The following SNX29 variants were observed in gnomAD, a reference collection of about 807,000 sequenced individuals.
The protein encoded by SNX29 is sorting nexin-29.
In SNX29, 78 loss-of-function variants were observed where a neutral mutation model predicts 102.1. The observed-to-expected ratio is 0.76, with a 90% confidence interval of 0.64 to 0.92. The LOEUF is 0.92. Ranked by LOEUF, SNX29 falls within the 40% of genes least tolerant of loss-of-function variation. The pLI is 0.00. For synonymous variants in SNX29, 580 were observed against 414.5 expected (o/e 1.40, Z -4.85); for missense variants, 1,280 against 1,061.7 (o/e 1.21, Z -2.86).
chr16:12,013,526 T>A lies in SNX29; in HGVS notation c.122+10483T>A, dbSNP rs1344987318. Among the ~76,000 whole-genome samples, 254 of 114,402 alleles carry A rather than the reference T, an allele frequency of 2.2e-3. 16 individuals are homozygous for A. The highest frequency in any genetic ancestry group is 3.1e-3 in the South Asian group (10 of 3,236). 75.1% of individuals were successfully genotyped at this position (114,402 alleles called of 152,430 possible). A position where few individuals can be genotyped will look rare whatever the true frequency, so the allele number is the denominator to read the frequency against. On this transcript the variant is annotated intron_variant, in intron 3 of 20. Coordinates refer to ENST00000566228, the MANE Select transcript of SNX29 (RefSeq NM_032167.5). ...ATATATATATATATATATATATATA[T>A]ATATATATATATATATCGAGAGAGG...
At chr16:12,114,542 T>C (rs542498042) in intron 11 of SNX29, among the ~76,000 whole-genome samples, 8 of 152,130 alleles carry the variant, frequency 5.3e-5, no homozygotes, top group Non-Finnish European at 1.0e-4. Flanking sequence ...ATGGCCCGTG[T>C]TTCAGTCCCG....
intron 20 of SNX29, among the ~76,000 whole-genome samples, chr16:12,557,115 C>G (rs1046276078): frequency 1.3e-5 from 2 of 151,568 alleles, no homozygotes; most frequent in African/African-American, 2.4e-5. Flanking sequence ...TCCGAAAGTG[C>G]TGAGATTAGA....
chr16:12,504,182 A>G (rs1029830314), intron 19 of SNX29, among the ~76,000 whole-genome samples: 8 of 152,174 alleles, frequency 5.3e-5, no homozygotes, highest in Non-Finnish European at 1.2e-4. Context: ...GTGGCTTCTT[A>G]GCATAATATT....
In SNX29 at chr16:12,261,926, C is replaced by T. The variant is rs1354091277; in HGVS notation, c.1679-16007C>T. 1.5e-5 allele frequency among the ~76,000 whole-genome samples: 2 copies of T among 131,558 alleles called. 1 individual carries two copies. Among genetic ancestry groups the T allele is most frequent in the African/African-American group, 5.9e-5 (2 of 33,730 alleles). 86.3% of individuals were successfully genotyped at this position (131,558 alleles called of 152,430 possible). ...CGTCCCCGGCTGGAGTGAGTGGTTCCTGAGCCCAGGTCTGCACGTGTCCCC... is the reference window on the plus strand; with the variant it reads ...CGTCCCCGGCTGGAGTGAGTGGTTCTTGAGCCCAGGTCTGCACGTGTCCCC... On this transcript the variant is annotated intron_variant, in intron 14 of 20. Coordinates refer to ENST00000566228, the MANE Select transcript of SNX29 (RefSeq NM_032167.5).
At chr16:12,052,346 A>C (rs2050343674) in intron 8 of SNX29, 124 bp downstream of exon 8, 1 of 1,102,906 alleles carries the variant, frequency 9.1e-7, no homozygotes, top group Non-Finnish European at 1.3e-6. Flanking sequence ...CCTCCCGAGT[A>C]GCTGGGATTA....
chr16:12,433,132 C>A (rs1170223643), intron 18 of SNX29, among the ~76,000 whole-genome samples: 1 of 152,220 alleles, frequency 6.6e-6, no homozygotes, highest in Non-Finnish European at 1.5e-5. Flanking sequence ...CTTTCAGACC[C>A]TGTGGAGGTC....
rs550358854 is a variant in SNX29 at position 12,153,759 on chromosome 16, T to G, written c.1595+24001T>G. Among the ~76,000 whole-genome samples the G allele has an allele frequency of 4.2e-4, 63 of 151,754 alleles. 1 individual carries two copies. The South Asian group carries it at 0.011, about 26-fold the overall frequency. ...TCCCAAAGTGCTGGGATTATGGGAGTGAACCACTGTGCACAGCCACTCCTC... is the reference window on the plus strand; with the variant it reads ...TCCCAAAGTGCTGGGATTATGGGAGGGAACCACTGTGCACAGCCACTCCTC... On this transcript the variant is annotated intron_variant, in intron 13 of 20. Transcript: ENST00000566228.
At chr16:12,564,800 G>A (rs534796673) in intron 20 of SNX29, among the ~76,000 whole-genome samples, 1 of 151,780 alleles carries the variant, frequency 6.6e-6, no homozygotes, top group East Asian at 1.9e-4. Context: ...AAATGGTGTT[G>A]TCATTCCAGA....
intron 14 of SNX29, among the ~76,000 whole-genome samples, chr16:12,215,650 G>A (rs953604570): frequency 3.2e-4 from 49 of 152,158 alleles, no homozygotes; most frequent in African/African-American, 1.0e-3. Flanking sequence ...CCCTAGTTGG[G>A]TGCACTTAAT....
chr16:12,335,999 G>C (rs539800291), intron 15 of SNX29, among the ~76,000 whole-genome samples: 1 of 152,280 alleles, frequency 6.6e-6, no homozygotes, highest in East Asian at 1.9e-4. Flanking sequence ...AAGACAGTCT[G>C]TCTGGGTCTG....
intron 11 of SNX29, among the ~76,000 whole-genome samples, chr16:12,105,203 TCCTCCCTCCCTCCCTC>T (rs55784743): frequency 1.5e-4 from 21 of 143,218 alleles, no homozygotes; most frequent in South Asian, 7.2e-4. Flanking sequence ...CTTCCTCCCT[TCCTCCCTCCCTCCCTC>T]CCTCCCTCCC....
intron 15 of SNX29, among the ~76,000 whole-genome samples, chr16:12,291,622 G>A (rs1806454514): frequency 6.6e-6 from 1 of 152,210 alleles, no homozygotes; most frequent in Non-Finnish European, 1.5e-5. Context: ...GAAACAGCAA[G>A]AGTCTCTCCA....
chr16:12,472,564 C>A (rs866879151), intron 18 of SNX29, among the ~76,000 whole-genome samples: 186 of 125,064 alleles, frequency 1.5e-3, no homozygotes, highest in Middle Eastern at 4.4e-3. Context: ...AAGAAAAAAA[C>A]AGGGAGGAAA....
At chr16:12,562,329 G>T (rs4780447) in intron 20 of SNX29, among the ~76,000 whole-genome samples, 3 of 152,062 alleles carry the variant, frequency 2.0e-5, no homozygotes, top group African/African-American at 7.2e-5. Context: ...GAACCTGCAG[G>T]GCAGATTCTG....
intron 1 of SNX29, among the ~76,000 whole-genome samples, chr16:11,990,824 C>T (rs536488139): frequency 9.8e-5 from 15 of 152,292 alleles, no homozygotes; most frequent in Middle Eastern, 6.8e-3. Flanking sequence ...CATCTAACCG[C>T]ACGGTGGCTG....
At position 12,201,702 on chromosome 16, in the gene SNX29, A is replaced by G. The variant is rs114768801; in HGVS notation, c.1678+2019A>G. ...AGGCTGTAGATTTGCACGTCTAGATAATGTGACTCTAATGCAGGTGACCTG... is the reference window on the plus strand; with the variant it reads ...AGGCTGTAGATTTGCACGTCTAGATGATGTGACTCTAATGCAGGTGACCTG... On this transcript the variant is annotated intron_variant, in intron 14 of 20. Transcript: ENST00000566228. Among the ~76,000 whole-genome samples the G allele has an allele frequency of 3.0e-3, 462 of 152,306 alleles. 2 individuals are homozygous for G. Among genetic ancestry groups the G allele is most frequent in the African/African-American group, 0.011 (451 of 41,550 alleles).
intron 16 of SNX29, among the ~76,000 whole-genome samples, chr16:12,359,309 A>C (rs1400108167): frequency 6.6e-6 from 1 of 152,210 alleles, no homozygotes; most frequent in Non-Finnish European, 1.5e-5. Flanking sequence ...GCAGAAGGAA[A>C]ATGGTTCATG....
chr16:12,036,786 G>A (rs533061021), intron 4 of SNX29, among the ~76,000 whole-genome samples: 32 of 152,248 alleles, frequency 2.1e-4, no homozygotes, highest in African/African-American at 7.7e-4. Context: ...GTCTTCTATA[G>A]ATGATTGTCA....
In SNX29 at chr16:12,362,498, T is replaced by A. The variant is rs1458320535; in HGVS notation, c.1899+6219T>A. Among the ~76,000 whole-genome samples, 5 of 149,634 alleles carry A rather than the reference T, an allele frequency of 3.3e-5. No individual in the cohort carries two copies. In the East Asian group the frequency reaches 9.9e-4, roughly 30 times the overall value. ...CGCGTTGGGCATCCAAATTAAGTAT[T>A]TTCCCTTTTTATGAATTTGACAACT... On this transcript the variant is annotated intron_variant, in intron 16 of 20. Transcript: ENST00000566228.
Sources: gnomAD v4.1 joint callset for allele counts (sites outside exome capture counted in the v4.1 genomes callset) on GRCh38, gnomAD v4.1.1 for gene constraint, MANE v1.5 for transcripts, NCBI Gene and HGNC (gene_info 2026-07-23, HGNC 2026-07-21) for gene names.